NIPBL: variants seen among roughly 807,000 people sequenced by gnomAD.
NIPBL encodes the protein nipped-B-like protein.
Under a neutral mutation model 321.8 loss-of-function variants are expected in NIPBL, and 19 were observed. That is an observed-to-expected ratio of 0.06 (90% CI 0.04 to 0.09). NIPBL has a LOEUF of 0.09. NIPBL is among the 10% of genes least tolerant of loss of function. The pLI is 1.00. For missense variants in NIPBL, 2,210 were observed against 3,327.0 expected (o/e 0.66, Z 8.26); for synonymous variants, 1,106 against 1,114.1 (o/e 0.99, Z 0.14).
At chr5:36,937,854 G>A (rs533783411) in intron 1 of NIPBL, among the ~76,000 whole-genome samples, 1 of 151,872 alleles carries the variant, frequency 6.6e-6, no homozygotes, top group African/African-American at 2.4e-5. Flanking sequence ...TTTTATTTTC[G>A]ATATCAAAAT....
chr5:37,012,347 C>G (rs899211657), intron 21 of NIPBL, among the ~76,000 whole-genome samples: 3 of 147,152 alleles, frequency 2.0e-5, no homozygotes, highest in African/African-American at 7.6e-5. Context: ...TGGTGATATT[C>G]TCTTTTTATT....
intron 9 of NIPBL, among the ~76,000 whole-genome samples, chr5:36,981,882 G>A (rs1744185480): frequency 6.6e-6 from 1 of 151,750 alleles, no homozygotes; most frequent in South Asian, 2.1e-4. Flanking sequence ...TTGGTACAAG[G>A]AATAGGACAA....
intron 1 of NIPBL, among the ~76,000 whole-genome samples, chr5:36,920,486 C>T (rs1173172572): frequency 6.6e-6 from 1 of 152,050 alleles, no homozygotes; most frequent in Non-Finnish European, 1.5e-5. Flanking sequence ...TTTAATAGGT[C>T]AAACTTGGGA....
At chr5:36,955,439 C>T in intron 2 of NIPBL, 33 bp from the exon 3 acceptor site, 1 of 1,584,066 alleles carries the variant, frequency 6.3e-7, no homozygotes, top group African/African-American at 1.3e-5. Flanking sequence ...TATAGTCACT[C>T]AATTTCTAAT....
At chr5:36,990,859 C>A (rs1343159096) in intron 10 of NIPBL, among the ~76,000 whole-genome samples, 5 of 152,084 alleles carry the variant, frequency 3.3e-5, no homozygotes, top group Non-Finnish European at 7.4e-5. Context: ...GACATAGTTT[C>A]TATAGGGTTC....
At chr5:36,920,738 C>T (rs1035367548) in intron 1 of NIPBL, among the ~76,000 whole-genome samples, 1 of 152,148 alleles carries the variant, frequency 6.6e-6, no homozygotes, top group African/African-American at 2.4e-5. Flanking sequence ...TGTGCTCCTC[C>T]TCTCAGTAGC....
chr5:37,050,167 T>A (rs1355140045), intron 40 of NIPBL, among the ~76,000 whole-genome samples: 1 of 152,006 alleles, frequency 6.6e-6, no homozygotes, highest in African/African-American at 2.4e-5. Context: ...CTTTTTTTTT[T>A]AATTTCACAC....
chr5:37,031,621 TAA>T (rs1382714931), intron 32 of NIPBL, among the ~76,000 whole-genome samples: 1 of 152,198 alleles, frequency 6.6e-6, no homozygotes, highest in African/African-American at 2.4e-5. Flanking sequence ...GAAAAACAGT[TAA>T]GAGTAACCTG....
intron 19 of NIPBL, 115 bp from the exon 20 acceptor site, chr5:37,008,508 G>C (rs1296367088): frequency 1.5e-6 from 1 of 680,098 alleles, no homozygotes; most frequent in African/African-American, 1.8e-5. Context: ...GCTTACCTTA[G>C]ATACTGAAAA....
Position 36,883,489 on chromosome 5 carries a change from T to G in NIPBL, c.-80+6311T>G, listed in dbSNP as rs192271405. Among the ~76,000 whole-genome samples, 11 of 152,150 alleles carry G rather than the reference T, an allele frequency of 7.2e-5. No homozygotes were observed. The East Asian group carries it at 1.2e-3, about 16-fold the overall frequency. On this transcript the variant is annotated intron_variant, in intron 1 of 46. Transcript: ENST00000282516. ...CTTATGCAGGTGAAATGCACAGTTA[T>G]TTTTATATGAGCACTATTGAAAAAA...
intron 20 of NIPBL, among the ~76,000 whole-genome samples, chr5:37,009,592 A>G (rs1017349923): frequency 7.9e-5 from 12 of 152,216 alleles, no homozygotes; most frequent in African/African-American, 2.9e-4. Flanking sequence ...ACATAAAAGA[A>G]TCCTTAGATT....
Position 36,985,151 on chromosome 5 carries a change from A to C in NIPBL, c.1971A>C (p.Arg657Ser). Residue 657 changes from arginine (R) to serine (S), a missense_variant, in exon 10 of 47, where the codon AGA becomes AGC. Around this residue, in one of 14 missense-constraint regions of NIPBL, gnomAD observed 588 missense variants for 564.1 expected, o/e 1.04. Coordinates refer to ENST00000282516, the MANE Select transcript of NIPBL (RefSeq NM_133433.4). The part of the protein sequence containing the change: ...QTEELKQNES[R>S]TTECKQNEST... ...AAGAACTTAAACAGAATGAGAGCAG[A>C]ACAACTGAATGCAAACAAAACGAGA... 4 of 1,613,956 alleles carry C rather than the reference A, an allele frequency of 2.5e-6. No individual in the cohort carries two copies. Among genetic ancestry groups the C allele is most frequent in the Non-Finnish European group, 3.4e-6 (4 of 1,179,950 alleles).
intron 6 of NIPBL, among the ~76,000 whole-genome samples, chr5:36,965,611 G>T (rs185829758): frequency 6.6e-6 from 1 of 152,014 alleles, no homozygotes; most frequent in Non-Finnish European, 1.5e-5. Flanking sequence ...AGCTCAGTAG[G>T]GTGACTGTAG....
At chr5:36,978,359 A>G (rs998319206) in intron 9 of NIPBL, among the ~76,000 whole-genome samples, 5 of 151,988 alleles carry the variant, frequency 3.3e-5, no homozygotes, top group African/African-American at 1.2e-4. Context: ...GATATTGAGC[A>G]TTTTTTAAAA....
intron 8 of NIPBL, among the ~76,000 whole-genome samples, chr5:36,972,384 A>G (rs745738364): frequency 6.6e-6 from 1 of 152,048 alleles, no homozygotes; most frequent in Non-Finnish European, 1.5e-5. Flanking sequence ...AAAAAGACTT[A>G]TTTCATATGA....
intron 9 of NIPBL, among the ~76,000 whole-genome samples, chr5:36,976,819 T>C (rs1469121811): frequency 1.3e-5 from 2 of 152,118 alleles, no homozygotes; most frequent in African/African-American, 4.8e-5. Flanking sequence ...GAAAAGCTCA[T>C]GTGTATGCTT....
chr5:36,883,909 A>G (rs1346254916), intron 1 of NIPBL, among the ~76,000 whole-genome samples: 1 of 151,708 alleles, frequency 6.6e-6, no homozygotes, highest in Non-Finnish European at 1.5e-5. Context: ...TTTTATTAAT[A>G]CTATTCTTTA....
At chr5:37,038,800 A>AGTTCACATGCGTC in intron 34 of NIPBL, 62 bp downstream of exon 34, 1 of 1,539,498 alleles carries the variant, frequency 6.5e-7, no homozygotes, top group Non-Finnish European at 8.9e-7. Flanking sequence ...TTAAATTTAG[A>AGTTCACATGCGTC]GTTCACATGC....
chr5:37,011,447 C>T (rs1490322436), intron 21 of NIPBL, among the ~76,000 whole-genome samples: 1 of 152,142 alleles, frequency 6.6e-6, no homozygotes. Flanking sequence ...CCCAGCTACT[C>T]AGGAGGCTGA....
Sources: gnomAD v4.1 joint callset for allele counts (sites outside exome capture counted in the v4.1 genomes callset) on GRCh38, gnomAD v4.1.1 for gene constraint, gnomAD v4.1.1 regional missense constraint, MANE v1.5 for transcripts, NCBI Gene and HGNC (gene_info 2026-07-23, HGNC 2026-07-21) for gene names.